DLGAP2: variants seen among roughly 807,000 people sequenced by gnomAD.
DLGAP2 encodes disks large-associated protein 2.
A neutral mutation model predicts 100.3 loss-of-function variants in DLGAP2; 26 were observed. The observed-to-expected ratio is 0.26, with a 90% CI of 0.19 to 0.36. The LOEUF is 0.36. Ranked by LOEUF, DLGAP2 falls within the 10% of genes least tolerant of loss-of-function variation. The pLI is 1.00. For synonymous variants in DLGAP2, 886 were observed against 630.1 expected (o/e 1.41, Z -6.08); for missense variants, 1,858 against 1,453.2 (o/e 1.28, Z -4.53).
intron 2 of DLGAP2, among the ~76,000 whole-genome samples, chr8:920,341 T>C (rs982334550): frequency 6.6e-6 from 1 of 152,250 alleles, no homozygotes; most frequent in Non-Finnish European, 1.5e-5. Context: ...GCCCCTGTTA[T>C]CAGGGAATAG....
rs1308081886 is a variant in DLGAP2 at position 1,508,905 on chromosome 8, C to G, written c.172+7474C>G. Among the ~76,000 whole-genome samples the G allele has an allele frequency of 3.3e-5, 5 of 152,064 alleles. No individual in the cohort carries two copies. In the East Asian group the frequency reaches 9.7e-4, roughly 30 times the overall value. On this transcript the variant is annotated intron_variant, in intron 4 of 14. Coordinates refer to ENST00000637795, the MANE Select transcript of DLGAP2 (RefSeq NM_001346810.2). ...TAAGGATCTAATATTGCCACATTCTCAATGGTTTTCTGTTCTGCAGTTCTT... is the reference window on the plus strand; with the variant it reads ...TAAGGATCTAATATTGCCACATTCTGAATGGTTTTCTGTTCTGCAGTTCTT...
At chr8:1,328,984 A>G (rs1801086732) in intron 3 of DLGAP2, among the ~76,000 whole-genome samples, 1 of 152,244 alleles carries the variant, frequency 6.6e-6, no homozygotes, top group South Asian at 2.1e-4. Context: ...CGTGGAAGGC[A>G]CTTTTCAGCC....
chr8:1,161,470 G>C (rs1054296583), intron 2 of DLGAP2, among the ~76,000 whole-genome samples: 2 of 152,318 alleles, frequency 1.3e-5, no homozygotes, highest in Middle Eastern at 3.4e-3. Flanking sequence ...TTGCAAACTG[G>C]CCTAAGAGTG....
chr8:1,160,480 G>A (rs10099450), intron 2 of DLGAP2, among the ~76,000 whole-genome samples: 35,767 of 152,122 alleles, frequency 0.24, 4,499 homozygotes, highest in African/African-American at 0.31. Flanking sequence ...AGCTAGGGGA[G>A]TCTTTTGTGG....
At chr8:1,194,245 A>C (rs1231908557) in intron 2 of DLGAP2, among the ~76,000 whole-genome samples, 8 of 152,108 alleles carry the variant, frequency 5.3e-5, no homozygotes, top group African/African-American at 1.9e-4. Flanking sequence ...AGCTGCTGGC[A>C]AGTTGGAAAC....
chr8:1,246,312 C>T (rs1052283865), intron 2 of DLGAP2, among the ~76,000 whole-genome samples: 1 of 152,218 alleles, frequency 6.6e-6, no homozygotes, highest in African/African-American at 2.4e-5. Context: ...CCACTATTCA[C>T]AGTTCTGTTT....
At chr8:1,212,113 G>T (rs1019212432) in intron 2 of DLGAP2, among the ~76,000 whole-genome samples, 1 of 152,316 alleles carries the variant, frequency 6.6e-6, no homozygotes, top group Non-Finnish European at 1.5e-5. Context: ...CAGTGACTCA[G>T]AGAATATCGA....
At chr8:1,433,328 G>A (rs1290999986) in intron 3 of DLGAP2, among the ~76,000 whole-genome samples, 1 of 152,232 alleles carries the variant, frequency 6.6e-6, no homozygotes, top group Non-Finnish European at 1.5e-5. Context: ...GGCCGTCAGG[G>A]GCATCCAGTC....
At chr8:1,330,029 C>T (rs1377112455) in intron 3 of DLGAP2, among the ~76,000 whole-genome samples, 1 of 152,204 alleles carries the variant, frequency 6.6e-6, no homozygotes, top group Non-Finnish European at 1.5e-5. Context: ...AACGGATGTC[C>T]ATTAAAGTGG....
intron 2 of DLGAP2, among the ~76,000 whole-genome samples, chr8:1,205,379 T>G (rs1298379671): frequency 6.6e-6 from 1 of 151,084 alleles, no homozygotes; most frequent in Non-Finnish European, 1.5e-5. Flanking sequence ...AAGTGCAGGC[T>G]CTTCCTGAAA....
At chr8:1,361,564 A>G (rs1363917224) in intron 3 of DLGAP2, among the ~76,000 whole-genome samples, 1 of 152,238 alleles carries the variant, frequency 6.6e-6, no homozygotes, top group African/African-American at 2.4e-5. Flanking sequence ...TGATTGTTTT[A>G]GAAAAATGAT....
intron 2 of DLGAP2, among the ~76,000 whole-genome samples, chr8:1,082,534 G>A (rs766978539): frequency 5.3e-5 from 8 of 152,174 alleles, no homozygotes; most frequent in Non-Finnish European, 1.2e-4. Context: ...AGAGGCACAC[G>A]CCTCGGAACA....
At chr8:1,200,589 C>G (rs764113782) in intron 2 of DLGAP2, among the ~76,000 whole-genome samples, 2 of 152,216 alleles carry the variant, frequency 1.3e-5, no homozygotes, top group Non-Finnish European at 1.5e-5. Flanking sequence ...GCACGTCCCA[C>G]TGCCACGTCC....
chr8:1,489,067 G>A (rs1799302420), intron 3 of DLGAP2, among the ~76,000 whole-genome samples: 1 of 152,204 alleles, frequency 6.6e-6, no homozygotes, highest in Admixed American at 6.5e-5. Flanking sequence ...AAGGAAGCAA[G>A]GTGTCACCCT....
intron 3 of DLGAP2, among the ~76,000 whole-genome samples, chr8:1,377,273 A>G (rs113399026): frequency 0.048 from 7,250 of 152,314 alleles, 388 homozygotes; most frequent in East Asian, 0.17. Context: ...GGCCGAGCGC[A>G]GTGGCTCACG....
chr8:1,198,835 G>A (rs1171449472), intron 2 of DLGAP2, among the ~76,000 whole-genome samples: 1 of 152,232 alleles, frequency 6.6e-6, no homozygotes, highest in Admixed American at 6.5e-5. Context: ...CCTGGGCTAG[G>A]CATTGGTCTT....
chr8:1,633,323 A>T lies in DLGAP2; in HGVS notation c.1810+277A>T, dbSNP rs1044414316. ...GTAAAGTTTTAGAGAGGAGAAAGAAATGGAAGTGCTAGCATTTGGAAGGTG... is the reference window on the plus strand; with the variant it reads ...GTAAAGTTTTAGAGAGGAGAAAGAATTGGAAGTGCTAGCATTTGGAAGGTG... On this transcript the variant is annotated intron_variant, in intron 8 of 14. Transcript: ENST00000637795. Among the ~76,000 whole-genome samples the T allele has an allele frequency of 2.1e-3, 319 of 152,184 alleles. 1 individual carries two copies. Among genetic ancestry groups the T allele is most frequent in the African/African-American group, 7.3e-3 (303 of 41,462 alleles).
At chr8:1,306,231 G>T (rs1800488171) in intron 3 of DLGAP2, among the ~76,000 whole-genome samples, 2 of 151,958 alleles carry the variant, frequency 1.3e-5, no homozygotes, top group Admixed American at 6.6e-5. Flanking sequence ...TATAAAAAAG[G>T]ATTCAGCAAA....
At chr8:1,572,484 AG>A (rs1802765335) in intron 6 of DLGAP2, among the ~76,000 whole-genome samples, 2 of 66,976 alleles carry the variant, frequency 3.0e-5, no homozygotes, top group Non-Finnish European at 5.8e-5. Flanking sequence ...AGAGGAGAGA[AG>A]GGTGAACTGT....
Sources: gnomAD v4.1 joint callset for allele counts (sites outside exome capture counted in the v4.1 genomes callset) on GRCh38, gnomAD v4.1.1 for gene constraint, MANE v1.5 for transcripts, NCBI Gene and HGNC (gene_info 2026-07-23, HGNC 2026-07-21) for gene names.